PDE3B: variants seen among roughly 807,000 people sequenced by gnomAD.
PDE3B encodes phosphodiesterase 3B.
PDE3B carries 66 observed loss-of-function variants against 116.8 expected under a neutral mutation model. The ratio of observed to expected loss-of-function variants is 0.56; its 90% CI spans 0.46 to 0.69. PDE3B has a LOEUF of 0.69. Ranked by LOEUF, PDE3B falls within the 30% of genes least tolerant of loss-of-function variation. The pLI, the probability that PDE3B is intolerant of heterozygous loss-of-function variation, is 0.00. For synonymous variants in PDE3B, 595 were observed against 533.6 expected (o/e 1.12, Z -1.59); for missense variants, 1,384 against 1,368.1 (o/e 1.01, Z -0.18).
At chr11:14,891,087 A>G in the PDE3B span, 4 of 985,390 alleles carry the variant, frequency 4.1e-6, no homozygotes, top group Admixed American at 1.8e-4. Context: ...ATTCAAAACA[A>G]AACAGGTGAG....
Position 14,741,633 on chromosome 11 carries a change from G to A in PDE3B, c.979-30304G>A, listed in dbSNP as rs1011365667. ...AGTGTGAATTTGATCCTGTCATTAT[G>A]ATGCTAGCTGGTTGTTTTGCCTGTT... is the stretch of plus-strand genomic sequence containing the variant. On this transcript the variant is annotated intron_variant, in intron 1 of 15. Coordinates refer to ENST00000282096, the MANE Select transcript of PDE3B (RefSeq NM_000922.4). 3.9e-5 allele frequency among the ~76,000 whole-genome samples: 6 copies of A among 152,064 alleles called. 1 individual carries two copies. Among genetic ancestry groups the A allele is most frequent in the African/African-American group, 1.5e-4 (6 of 41,346 alleles).
chr11:14,790,738 T>G (rs1386183293), intron 4 of PDE3B, among the ~76,000 whole-genome samples: 1 of 152,134 alleles, frequency 6.6e-6, no homozygotes, highest in Non-Finnish European at 1.5e-5. Context: ...AATTAATTGG[T>G]GGTATTATGT....
At chr11:14,716,010 G>C (rs1368473289) in intron 1 of PDE3B, among the ~76,000 whole-genome samples, 1 of 152,100 alleles carries the variant, frequency 6.6e-6, no homozygotes, top group African/African-American at 2.4e-5. Flanking sequence ...CTGAGGTACC[G>C]GGTTCATCTC....
chr11:14,769,384 T>G (rs1419454817), intron 1 of PDE3B, among the ~76,000 whole-genome samples: 1 of 151,170 alleles, frequency 6.6e-6, no homozygotes. Context: ...GTAAGATTTT[T>G]AGAGACCTTT....
At chr11:14,865,332 T>C (rs1261287056) in intron 14 of PDE3B, among the ~76,000 whole-genome samples, 1 of 152,134 alleles carries the variant, frequency 6.6e-6, no homozygotes, top group South Asian at 2.1e-4. Flanking sequence ...ATCTCCAAAA[T>C]AGCAACTACA....
At chr11:14,688,101 C>T (rs931746007) in intron 1 of PDE3B, among the ~76,000 whole-genome samples, 2 of 143,522 alleles carry the variant, frequency 1.4e-5, no homozygotes, top group Admixed American at 1.4e-4. Flanking sequence ...CTTTCTTTCT[C>T]TCTCTCTCTC....
At chr11:14,703,839 A>T (rs1855447545) in intron 1 of PDE3B, among the ~76,000 whole-genome samples, 1 of 151,296 alleles carries the variant, frequency 6.6e-6, no homozygotes, top group Non-Finnish European at 1.5e-5. Context: ...AAACACCTTA[A>T]ATGTAGTTTT....
rs1354031309 is a variant in PDE3B at position 14,644,998 on chromosome 11, A to G, written c.923A>G (p.Tyr308Cys). ...VSLGETAASY[Y>C]GSCKIFRRPS... ...TTAGGAGAAACTGCAGCCAGTTACT[A>G]TGGCAGTTGCAAAATATTCAGGAGA... Residue 308 changes from tyrosine to cysteine, a missense_variant, in exon 1 of 16, where the codon TAT becomes TGT. Transcript: ENST00000282096. 10 of 1,613,422 alleles carry G rather than the reference A, an allele frequency of 6.2e-6. No homozygotes were observed. Among genetic ancestry groups the G allele is most frequent in the Admixed American group, 1.7e-5 (1 of 59,920 alleles).
chr11:14,659,948 A>C (rs995208529), intron 1 of PDE3B, among the ~76,000 whole-genome samples: 1 of 152,202 alleles, frequency 6.6e-6, no homozygotes, highest in African/African-American at 2.4e-5. Flanking sequence ...CAGTTCATAC[A>C]ATCTGTTTGG....
At chr11:14,691,591 G>C (rs1327578319) in intron 1 of PDE3B, among the ~76,000 whole-genome samples, 2 of 152,100 alleles carry the variant, frequency 1.3e-5, no homozygotes, top group Non-Finnish European at 2.9e-5. Context: ...AAAATGTATT[G>C]AATGTTTATT....
intron 1 of PDE3B, among the ~76,000 whole-genome samples, chr11:14,768,431 A>T (rs758004264): frequency 6.6e-6 from 1 of 151,516 alleles, no homozygotes; most frequent in African/African-American, 2.4e-5. Flanking sequence ...AGCATATCGC[A>T]ATGTGTATTT....
At chr11:14,793,706 A>G (rs1858461511) in intron 4 of PDE3B, among the ~76,000 whole-genome samples, 1 of 152,194 alleles carries the variant, frequency 6.6e-6, no homozygotes, top group South Asian at 2.1e-4. Flanking sequence ...TGGGCTATCA[A>G]TTATAGTTAC....
At chr11:14,887,475 T>C in the PDE3B span, 1 of 539,478 alleles carries the variant, frequency 1.9e-6, no homozygotes, top group South Asian at 8.1e-5. Context: ...GTGACTCAAA[T>C]TGTGAAAACT....
intron 1 of PDE3B, among the ~76,000 whole-genome samples, chr11:14,710,946 G>A (rs1327989715): frequency 1.3e-5 from 2 of 152,158 alleles, no homozygotes; most frequent in Non-Finnish European, 2.9e-5. Flanking sequence ...TCAAAGAACT[G>A]CCTATATTGC....
chr11:14,692,406 A>G (rs905781380), intron 1 of PDE3B, among the ~76,000 whole-genome samples: 12 of 152,248 alleles, frequency 7.9e-5, no homozygotes, highest in African/African-American at 9.6e-5. Context: ...TGTAAAAGGG[A>G]ATAAAACTTA....
chr11:14,810,885 T>A (rs1032318018), intron 5 of PDE3B, among the ~76,000 whole-genome samples: 2 of 147,578 alleles, frequency 1.4e-5, no homozygotes, highest in South Asian at 4.6e-4. Context: ...TGGTATCTCA[T>A]TGTGGTTTTG....
At chr11:14,674,610 C>T (rs904998769) in intron 1 of PDE3B, 3 of 306,296 alleles carry the variant, frequency 9.8e-6, no homozygotes, top group Admixed American at 4.7e-5. Context: ...TAAAACTTTA[C>T]TAACTTTGAT....
intron 1 of PDE3B, among the ~76,000 whole-genome samples, chr11:14,708,737 G>A (rs1355514591): frequency 5.3e-5 from 8 of 151,802 alleles, no homozygotes; most frequent in Non-Finnish European, 1.0e-4. Context: ...AAAGCATGAT[G>A]TAAGCAACTT....
chr11:14,655,010 A>G (rs1853673353), intron 1 of PDE3B, among the ~76,000 whole-genome samples: 1 of 152,190 alleles, frequency 6.6e-6, no homozygotes, highest in African/African-American at 2.4e-5. Context: ...AAAAGATGAT[A>G]GAAATAAATC....
Sources: allele counts gnomAD v4.1 joint callset (sites outside exome capture counted in the v4.1 genomes callset), GRCh38; gene constraint gnomAD v4.1.1; transcripts MANE v1.5; gene names NCBI Gene and HGNC (gene_info 2026-07-23, HGNC 2026-07-21).